Variants in PCDHA3 observed in about 807,000 individuals in gnomAD.
The protein encoded by PCDHA3 is protocadherin alpha 3.
A neutral mutation model predicts 62.2 loss-of-function variants in PCDHA3; 41 were observed. The observed-to-expected ratio is 0.66, with a 90% CI of 0.51 to 0.86. PCDHA3 has a LOEUF of 0.86. PCDHA3 is among the 40% of genes least tolerant of loss of function. The pLI is 0.00. For missense variants in PCDHA3, 1,304 were observed against 1,241.2 expected (o/e 1.05, Z -0.76); for synonymous variants, 640 against 555.4 (o/e 1.15, Z -2.14).
intron 1 of PCDHA3, among the ~76,000 whole-genome samples, chr5:140,905,832 G>A (rs1292036271): frequency 1.3e-5 from 2 of 152,150 alleles, no homozygotes; most frequent in Non-Finnish European, 2.9e-5. Context: ...TGTATATAAA[G>A]GGGAGTTTAT....
At chr5:140,917,653 G>A (rs1400141765) in intron 1 of PCDHA3, among the ~76,000 whole-genome samples, 1 of 152,160 alleles carries the variant, frequency 6.6e-6, no homozygotes, top group Non-Finnish European at 1.5e-5. Flanking sequence ...GCAATATTGA[G>A]TAGGAAGTCC....
intron 1 of PCDHA3, among the ~76,000 whole-genome samples, chr5:140,964,874 A>C (rs1443431100): frequency 6.6e-6 from 1 of 152,178 alleles, no homozygotes; most frequent in East Asian, 1.9e-4. Flanking sequence ...GACAAATAAG[A>C]AGCAGCAGTG....
intron 1 of PCDHA3, chr5:140,857,508 C>A: frequency 6.3e-7 from 1 of 1,598,226 alleles, no homozygotes; most frequent in African/African-American, 1.3e-5. Flanking sequence ...CAGGAGAACG[C>A]CCTGGTGTCC....
intron 1 of PCDHA3, chr5:140,927,933 C>T (rs1273187123): frequency 1.9e-6 from 3 of 1,614,090 alleles, no homozygotes; most frequent in African/African-American, 2.7e-5. Context: ...CTCTTTCGAA[C>T]CCAGTACCTG....
intron 1 of PCDHA3, chr5:140,850,379 G>A: frequency 1.3e-6 from 2 of 1,597,906 alleles, no homozygotes; most frequent in Non-Finnish European, 1.7e-6. Flanking sequence ...GGCTGTACAC[G>A]GGCGAGATCA....
chr5:140,863,268 G>T (rs781869652), intron 1 of PCDHA3: 5 of 1,459,234 alleles, frequency 3.4e-6, no homozygotes, highest in African/African-American at 1.4e-5. Flanking sequence ...GGGAGGCAGC[G>T]CTGGTGGATG....
At chr5:140,823,119 C>A in intron 1 of PCDHA3, 1 of 1,614,054 alleles carries the variant, frequency 6.2e-7, no homozygotes, top group Non-Finnish European at 8.5e-7. Context: ...CCGACGTGAA[C>A]GACAACGCTC....
intron 3 of PCDHA3, among the ~76,000 whole-genome samples, chr5:141,008,863 C>T (rs902385521): frequency 6.6e-6 from 1 of 152,204 alleles, no homozygotes. Flanking sequence ...CTCTTCCATG[C>T]TGCATCCCAC....
chr5:140,898,881 A>G (rs1472274164), intron 1 of PCDHA3, among the ~76,000 whole-genome samples: 1 of 152,102 alleles, frequency 6.6e-6, no homozygotes, highest in Non-Finnish European at 1.5e-5. Context: ...AGTGGTTTGT[A>G]GTTCTCCTTG....
In PCDHA3 at chr5:141,010,551, C is replaced by T. The variant is rs2098417607; in HGVS notation, c.*614C>T. ...AGCCACCCTCTAGGAGACAAAACTA[C>T]CCCCACTGACAAGGCTTTAGGAGAC... On this transcript the variant is annotated 3_prime_UTR_variant, in exon 4 of 4. Coordinates refer to ENST00000522353, the MANE Select transcript of PCDHA3 (RefSeq NM_018906.3). The T allele has an allele frequency of 9.3e-6, 3 of 323,786 alleles. No homozygotes were observed. Among genetic ancestry groups the T allele is most frequent in the African/African-American group, 2.1e-5 (1 of 47,406 alleles). The allele number at this position is 323,786 out of a possible 1,614,324, so 20.1% of individuals were successfully genotyped here.
intron 1 of PCDHA3, chr5:140,871,576 G>A (rs1554165757): frequency 4.1e-6 from 6 of 1,475,680 alleles, no homozygotes; most frequent in Non-Finnish European, 5.4e-6. Flanking sequence ...GATTTTTTAA[G>A]GGAAAGTTTT....
At chr5:140,987,444 C>G (rs2097254283) in intron 3 of PCDHA3, among the ~76,000 whole-genome samples, 1 of 151,998 alleles carries the variant, frequency 6.6e-6, no homozygotes, top group African/African-American at 2.4e-5. Flanking sequence ...TCCCCATGCC[C>G]GAGAGATAAT....
intron 1 of PCDHA3, among the ~76,000 whole-genome samples, chr5:140,893,419 G>A (rs2063984571): frequency 6.6e-6 from 1 of 152,158 alleles, no homozygotes; most frequent in African/African-American, 2.4e-5. Context: ...TAGGGAGGCA[G>A]AGGCAGGAAG....
intron 1 of PCDHA3, among the ~76,000 whole-genome samples, chr5:140,893,817 C>G (rs951661016): frequency 6.6e-6 from 1 of 151,980 alleles, no homozygotes; most frequent in Admixed American, 6.6e-5. Flanking sequence ...AGTCTGGTAC[C>G]GTAGACTACT....
At chr5:140,854,022 C>A in intron 1 of PCDHA3, 1 of 318,106 alleles carries the variant, frequency 3.1e-6, no homozygotes, top group Non-Finnish European at 4.7e-6. Context: ...ATTAGCCGGG[C>A]ATGGTGGCAC....
intron 1 of PCDHA3, among the ~76,000 whole-genome samples, chr5:140,892,769 T>C (rs1182235195): frequency 6.6e-6 from 1 of 152,210 alleles, no homozygotes; most frequent in Non-Finnish European, 1.5e-5. Context: ...TCCACTCTTC[T>C]AGCTTCTTGA....
chr5:140,972,391 C>T (rs1554234093), intron 1 of PCDHA3, among the ~76,000 whole-genome samples: 3 of 151,490 alleles, frequency 2.0e-5, no homozygotes, highest in African/African-American at 7.3e-5. Flanking sequence ...TGTTTATTTG[C>T]TTCACTATTG....
At position 140,969,194 on chromosome 5, in the gene PCDHA3, A is replaced by G. The variant is rs782262250; in HGVS notation, c.2395-9755A>G. On this transcript the variant is annotated intron_variant, in intron 1 of 3. Coordinates refer to ENST00000522353, the MANE Select transcript of PCDHA3 (RefSeq NM_018906.3). ...AGGGAGTGACACTTTCATGTTTTAC[A>G]ATACAGGGGCCCAGACAGGACCAGG... 1.8e-5 allele frequency: 29 copies of G among 1,614,026 alleles called. No homozygotes were observed. The highest frequency in any genetic ancestry group is 2.3e-5 in the Non-Finnish European group (27 of 1,180,018).
intron 1 of PCDHA3, chr5:140,853,974 A>G: frequency 1.7e-6 from 1 of 605,490 alleles, no homozygotes; most frequent in Non-Finnish European, 2.1e-6. Flanking sequence ...GCAGTTTGAG[A>G]CCAATGTAGT....
Sources: gnomAD v4.1 joint callset for allele counts (sites outside exome capture counted in the v4.1 genomes callset) on GRCh38, gnomAD v4.1.1 for gene constraint, MANE v1.5 for transcripts, NCBI Gene and HGNC (gene_info 2026-07-23, HGNC 2026-07-21) for gene names.